Variants in AKAP1 observed in about 807,000 individuals in gnomAD.
The protein encoded by AKAP1 is A-kinase anchoring protein 1.
AKAP1 carries 32 observed loss-of-function variants against 79.8 expected under a neutral mutation model. That is an observed-to-expected ratio of 0.40 (90% CI 0.30 to 0.54). AKAP1 has a LOEUF of 0.54. Among genes scored for constraint, AKAP1 ranks in the 20% least tolerant of loss-of-function variants. AKAP1 has a pLI of 0.47. For synonymous variants in AKAP1, 416 were observed against 466.7 expected, an observed-to-expected ratio of 0.89 and a Z score of 1.40; for missense variants, 961 against 1,138.9, an observed-to-expected ratio of 0.84 and a Z score of 2.25.
intron 1 of AKAP1, 186 bp downstream of exon 1, chr17:57,085,584 C>G (rs1445976235): frequency 6.6e-6 from 1 of 152,376 alleles, no homozygotes; most frequent in Non-Finnish European, 1.5e-5. Flanking sequence ...TCAGGCAGGC[C>G]CATCTTTCCC....
Position 57,119,012 on chromosome 17 carries a change from C to T in AKAP1, c.2605C>T (p.Leu869=), listed in dbSNP as rs201226127. The change falls in exon 10 of 11, where the codon CTG becomes TTG. Residue 869 remains leucine (L), a synonymous_variant. Coordinates refer to ENST00000337714, the MANE Select transcript of AKAP1 (RefSeq NM_003488.4). ...AAGTTACAGTCCAACTGGTCTTCCTCTGATTCAGCTGTGGAGTGTGGTTGG... is the reference window on the plus strand; with the variant it reads ...AAGTTACAGTCCAACTGGTCTTCCTTTGATTCAGCTGTGGAGTGTGGTTGG... ...VTSYSPTGLP[L]IQLWSVVGDE... 2.3e-5 allele frequency: 37 copies of T among 1,613,892 alleles called. No homozygotes were observed. Among genetic ancestry groups the T allele is most frequent in the Non-Finnish European group, 3.1e-5 (36 of 1,179,862 alleles).
chr17:57,105,366 T>C (rs1914778203), intron 1 of AKAP1, 75 bp from the exon 2 acceptor site: 1 of 1,411,412 alleles, frequency 7.1e-7, no homozygotes, highest in African/African-American at 1.4e-5. Flanking sequence ...GTTGACTGTC[T>C]TGCATGTGCG....
At chr17:57,097,114 G>A (rs1914160580) in intron 1 of AKAP1, among the ~76,000 whole-genome samples, 1 of 152,104 alleles carries the variant, frequency 6.6e-6, no homozygotes, top group Non-Finnish European at 1.5e-5. Context: ...TCAGCTCCTA[G>A]GATTTCTTCC....
At chr17:57,111,732 G>T in intron 3 of AKAP1, 66 bp from the exon 4 acceptor site, 1 of 1,582,528 alleles carries the variant, frequency 6.3e-7, no homozygotes, top group Non-Finnish European at 8.6e-7. Context: ...AACAGAAGTA[G>T]GTCTTTGGGT....
chr17:57,106,286 G>A lies in AKAP1; in HGVS notation c.822G>A (p.Ser274=), dbSNP rs771243887. 1.2e-5 allele frequency: 19 copies of A among 1,614,158 alleles called. 1 individual carries two copies. The South Asian group carries it at 1.2e-4, about 10-fold the overall frequency. The stretch of plus-strand genomic sequence containing the variant: ...AGTTGCCAAGTAGGTTCATCGAGTC[G>A]GCTCACACAGAGCTGGCAAAGGACG... The part of the protein sequence containing the change: ...AEKLPSRFIE[S]AHTELAKDDA... Residue 274 remains serine (S), a synonymous_variant, in exon 2 of 11, where the codon TCG becomes TCA. Coordinates refer to ENST00000337714, the MANE Select transcript of AKAP1 (RefSeq NM_003488.4).
At position 57,093,797 on chromosome 17, in the gene AKAP1, G is replaced by C. The variant is rs377264242; in HGVS notation, c.-25+8399G>C. The C allele has an allele frequency of 1.3e-4, 15 of 116,188 alleles. 1 individual carries two copies. In the South Asian group the frequency reaches 3.4e-3, roughly 26 times the overall value. The allele number at this position is 116,188 out of a possible 1,614,324, so 7.2% of individuals were successfully genotyped here. On this transcript the variant is annotated intron_variant, in intron 1 of 10. Coordinates refer to ENST00000337714, the MANE Select transcript of AKAP1 (RefSeq NM_003488.4). ...ACCCCCATTACTTTCAATTCTTCCA[G>C]CTGTCCCCACCATTGTCAGTAGTAT...
rs889569084 is a variant in AKAP1 at position 57,086,838 on chromosome 17, A to T, written c.-25+1440A>T. On this transcript the variant is annotated intron_variant, in intron 1 of 10. Transcript: ENST00000337714. This position sits in a 1 kb window ranked among gnomAD's most constrained non-coding sequence, Gnocchi z 5.1. Reference sequence around the variant, plus strand: ...TCTTTATTTAGAAAGCAAAGCTTGGACTCTTAGCACCACCCATCCACTTTG... The same window carrying T: ...TCTTTATTTAGAAAGCAAAGCTTGGTCTCTTAGCACCACCCATCCACTTTG... 1.3e-4 allele frequency among the ~76,000 whole-genome samples: 19 copies of T among 150,774 alleles called. No homozygotes were observed. Among genetic ancestry groups the T allele is most frequent in the African/African-American group, 4.6e-4 (19 of 40,988 alleles).
intron 7 of AKAP1, 143 bp downstream of exon 7, chr17:57,116,404 TAGAAACA>T: frequency 9.0e-7 from 1 of 1,110,674 alleles, no homozygotes; most frequent in Admixed American, 2.2e-5. Flanking sequence ...CAGAGTCTGA[TAGAAACA>T]AACTCGATTA....
intron 3 of AKAP1, 85 bp downstream of exon 3, chr17:57,110,243 G>A: frequency 3.2e-6 from 5 of 1,542,218 alleles, no homozygotes; most frequent in Non-Finnish European, 4.4e-6. Context: ...GGAGGGAGGG[G>A]GCTGGGAGAG....
chr17:57,120,330 A>T lies in AKAP1; in HGVS notation c.*6A>T. On this transcript the variant is annotated 3_prime_UTR_variant, in exon 11 of 11. Transcript: ENST00000337714. ...GCTACTACACAAGCCTTTGACCCCC[A>T]TGCTGCTTCCTGAGAGTCTTTTTTT... 6.2e-7 allele frequency: 1 copy of T among 1,611,300 alleles called. No homozygotes were observed. Among genetic ancestry groups the T allele is most frequent in the South Asian group, 1.1e-5 (1 of 90,724 alleles).
rs71363890 is a variant in AKAP1, at chr17:57,100,428, A to AACACACACACACACACACACAC, written c.-24-4995_-24-4994insACACACACACACACACACACAC. ...TGGTGTGAAACTCCATCTCTGCTAA[A>AACACACACACACACACACACAC]ACACACACACACACACACGCACACA... On this transcript the variant is annotated intron_variant, in intron 1 of 10. Transcript: ENST00000337714. Among the ~76,000 whole-genome samples, 142 of 149,804 alleles carry AACACACACACACACACACACAC rather than the reference A, an allele frequency of 9.5e-4. 1 individual carries two copies. The highest frequency in any genetic ancestry group is 3.1e-3 in the African/African-American group (126 of 40,578).
chr17:57,090,060 C>T (rs1356310039), intron 1 of AKAP1, among the ~76,000 whole-genome samples: 1 of 152,184 alleles, frequency 6.6e-6, no homozygotes, highest in Non-Finnish European at 1.5e-5. Context: ...TGTTTCCAGT[C>T]CACCTAAATG....
chr17:57,119,366 T>G (rs142038927), intron 10 of AKAP1, among the ~76,000 whole-genome samples: 2 of 151,914 alleles, frequency 1.3e-5, no homozygotes, highest in African/African-American at 4.8e-5. Flanking sequence ...GTCTGTTGAG[T>G]TTTTCTGTCC....
chr17:57,105,624 A>G lies in AKAP1; in HGVS notation c.160A>G (p.Ile54Val), dbSNP rs1209013864. ...GAVQLRADPA[I>V]KEPLPVEDVC... ...TGTGCAGCTGAGGGCTGACCCTGCC[A>G]TCAAGGAACCTCTCCCCGTGGAAGA... The change falls in exon 2 of 11, where the codon ATC (isoleucine) becomes GTC (valine). Residue 54 changes from isoleucine (I) to valine (V), a missense_variant. Coordinates refer to ENST00000337714, the MANE Select transcript of AKAP1 (RefSeq NM_003488.4). 1.9e-6 allele frequency: 3 copies of G among 1,614,136 alleles called. No homozygotes were observed. Among genetic ancestry groups the G allele is most frequent in the Admixed American group, 1.7e-5 (1 of 60,014 alleles).
Position 57,106,466 on chromosome 17 carries a change from T to C in AKAP1, c.1002T>C (p.Asn334=), listed in dbSNP as rs561844082. The change falls in exon 2 of 11, where the codon AAT becomes AAC. Residue 334 remains asparagine, a synonymous_variant. Coordinates refer to ENST00000337714, the MANE Select transcript of AKAP1 (RefSeq NM_003488.4). ...GAAATGAGGAGAGCTTGGATAGAAA[T>C]GAGGAGGGCTTGGATAGAAATGAGG... ...LDRNEESLDR[N]EEGLDRNEEI... 1.3e-5 allele frequency: 21 copies of C among 1,608,426 alleles called. No homozygotes were observed. The South Asian group carries it at 2.3e-4, about 18-fold the overall frequency.
rs545591716 is a variant in AKAP1 at position 57,100,886 on chromosome 17, G to A, written c.-24-4555G>A. On this transcript the variant is annotated intron_variant, in intron 1 of 10. Coordinates refer to ENST00000337714, the MANE Select transcript of AKAP1 (RefSeq NM_003488.4). The stretch of plus-strand genomic sequence containing the variant: ...CTCTACTAAAAATACAAAATTAGCT[G>A]GGTGTGGTGGCGCATGCCTGTAATG... Among the ~76,000 whole-genome samples, 4 of 152,152 alleles carry A rather than the reference G, an allele frequency of 2.6e-5. No homozygotes were observed. In the East Asian group the frequency reaches 5.8e-4, roughly 22 times the overall value.
Position 57,106,774 on chromosome 17 carries a change from G to A in AKAP1, c.1310G>A (p.Ser437Asn), listed in dbSNP as rs1469754264. ...TCACCACCACCAAAGACCTACGTGA[G>A]CTGCCTGAAGAGCCTTCTGTCCAGC... ...EGSPPPKTYV[S>N]CLKSLLSSPT... The change falls in exon 2 of 11, where the codon AGC becomes AAC. Residue 437 changes from serine (S) to asparagine (N), a missense_variant. This residue lies in a region of AKAP1 where 629 missense variants were observed against 781.1 expected (regional missense o/e 0.81). Transcript: ENST00000337714. 6.2e-7 allele frequency: 1 copy of A among 1,613,922 alleles called. No individual in the cohort carries two copies. Among genetic ancestry groups the A allele is most frequent in the Non-Finnish European group, 8.5e-7 (1 of 1,180,044 alleles).
In AKAP1 at chr17:57,106,661, C is replaced by T. The variant is rs774842746; in HGVS notation, c.1197C>T (p.Gly399=). The part of the protein sequence containing the change: ...CVPVHQKTVL[G]PDTAEPATAE... ...CAGTTCACCAGAAAACTGTCTTGGG[C>T]CCAGACACTGCGGAGCCTGCCACAG... The change falls in exon 2 of 11, where the codon GGC becomes GGT. Residue 399 remains glycine (G), a synonymous_variant. Coordinates refer to ENST00000337714, the MANE Select transcript of AKAP1 (RefSeq NM_003488.4). 1 of 1,614,082 alleles carries T rather than the reference C, an allele frequency of 6.2e-7. No homozygotes were observed. The highest frequency in any genetic ancestry group is 8.5e-7 in the Non-Finnish European group (1 of 1,180,024).
At chr17:57,109,197 C>T (rs1915085629) in intron 2 of AKAP1, among the ~76,000 whole-genome samples, 2 of 152,172 alleles carry the variant, frequency 1.3e-5, no homozygotes, top group East Asian at 3.8e-4. Flanking sequence ...ATTGAGTCAT[C>T]CATATTTAAG....
Sources: allele counts gnomAD v4.1 joint callset (sites outside exome capture counted in the v4.1 genomes callset), GRCh38; gene constraint gnomAD v4.1.1; regional missense constraint gnomAD v4.1.1; non-coding constraint Gnocchi (gnomAD v3.1); transcripts MANE v1.5; gene names NCBI Gene and HGNC (gene_info 2026-07-23, HGNC 2026-07-21).